CHML: variants seen among roughly 807,000 people sequenced by gnomAD.
The protein encoded by CHML is CHM like Rab escort protein, also known as rab proteins geranylgeranyltransferase component A 2.
A neutral mutation model predicts 30.4 loss-of-function variants in CHML; 20 were observed. The ratio of observed to expected loss-of-function variants is 0.66; its 90% CI spans 0.46 to 0.95. The LOEUF is 0.95. CHML is among the 40% of genes least tolerant of loss of function. The pLI is 0.00. For missense variants in CHML, 795 were observed against 768.5 expected, an observed-to-expected ratio of 1.03 and a Z score of -0.41; for synonymous variants, 281 against 275.0, an observed-to-expected ratio of 1.02 and a Z score of -0.22.
intron 1 of CHML, among the ~76,000 whole-genome samples, chr1:241,637,402 G>A (rs1234544807): frequency 1.3e-5 from 2 of 152,156 alleles, no homozygotes; most frequent in Non-Finnish European, 2.9e-5. Context: ...CATTCCCTAA[G>A]AAGCCAGGAA....
Position 241,634,273 on chromosome 1 carries a change from G to C in CHML, c.1494C>G (p.Thr498=). 2 of 1,613,914 alleles carry C rather than the reference G, an allele frequency of 1.2e-6. No individual in the cohort carries two copies. The highest frequency in any genetic ancestry group is 1.7e-6 in the Non-Finnish European group (2 of 1,179,912). ...AVRVTELCSS[T]MTCMKDTYLV... ...GATAGGTGTCCTTCATGCATGTCATGGTTGAAGAACATAATTCTGTGACCC... is the reference window on the plus strand; with the variant it reads ...GATAGGTGTCCTTCATGCATGTCATCGTTGAAGAACATAATTCTGTGACCC... The change falls in exon 2 of 2, where the codon ACC becomes ACG. Residue 498 remains threonine, a synonymous_variant. Coordinates refer to ENST00000366553, the MANE Select transcript of CHML (RefSeq NM_001381853.1).
Position 241,634,379 on chromosome 1 carries a change from T to G in CHML, c.1388A>C (p.Gln463Pro), listed in dbSNP as rs778521313. ...ATCTAAATCTGTCTTTAGTATAGAC[T>G]GATCTGTAATGAGTACTGCCCTAGA... ...QISRAVLITD[Q>P]SILKTDLDQQ... Residue 463 changes from glutamine (Q) to proline (P), a missense_variant, in exon 2 of 2, where the codon CAG becomes CCG. Transcript: ENST00000366553. The G allele has an allele frequency of 4.3e-6, 7 of 1,613,922 alleles. 1 individual carries two copies. The highest frequency in any genetic ancestry group is 3.3e-5 in the South Asian group (3 of 91,084).
rs777020594 is a variant in CHML, at chr1:241,639,912, C to T, written c.-338G>A. The T allele has an allele frequency of 6.3e-7, 1 of 1,597,262 alleles. No homozygotes were observed. The highest frequency in any genetic ancestry group is 1.7e-5 in the Admixed American group (1 of 58,094). ...AGGCTGCCGCTAAACCCGTCCCACA[C>T]GCAGCCCACGGTGTCCCACACCCAG... On this transcript the variant is annotated 5_prime_UTR_variant, in exon 1 of 2. It adds an upstream start codon to the 5' untranslated region. Coordinates refer to ENST00000366553, the MANE Select transcript of CHML (RefSeq NM_001381853.1).
chr1:241,635,129 A>G lies in CHML; in HGVS notation c.638T>C (p.Ile213Thr). ...TTGAGAGTAAGTAATCCTATTTCTA[A>G]TTGGTTCATCGGCCTTATCTTCTAC... ...STVEDKADEP[I>T]RNRITYSQIV... Residue 213 changes from isoleucine to threonine, a missense_variant, in exon 2 of 2, where the codon ATT (isoleucine) becomes ACT (threonine). Physicochemically the swap from Ile to Thr is moderately conservative, Grantham distance 89 (BLOSUM62 -1). Transcript: ENST00000366553. 1.9e-6 allele frequency: 3 copies of G among 1,612,774 alleles called. No homozygotes were observed. Among genetic ancestry groups the G allele is most frequent in the Non-Finnish European group, 2.5e-6 (3 of 1,179,914 alleles).
At position 241,635,494 on chromosome 1, in the gene CHML, C is replaced by A; in HGVS notation, c.273G>T (p.Lys91Asn). 1 of 1,613,870 alleles carries A rather than the reference C, an allele frequency of 6.2e-7. No individual in the cohort carries two copies. The highest frequency in any genetic ancestry group is 8.5e-7 in the Non-Finnish European group (1 of 1,179,958). ...CTGTGTGTTGAATAGTTTCATCCTT[C>A]TTGCGAAGAGTGATGGCTTCTTCTG... The part of the protein sequence containing the change: ...HETEEAITLR[K>N]KDETIQHTEA... The change falls in exon 2 of 2, where the codon AAG becomes AAT. Residue 91 changes from lysine to asparagine, a missense_variant. Transcript: ENST00000366553.
In CHML at chr1:241,629,412, T is replaced by A. The variant is rs1664528662; in HGVS notation, c.*4384A>T. On this transcript the variant is annotated 3_prime_UTR_variant, in exon 2 of 2. Coordinates refer to ENST00000366553, the MANE Select transcript of CHML (RefSeq NM_001381853.1). ...ATGAACTAAGTCAAAGTTGCATTTT[T>A]AATATTAGGAAATTTGAATACCATT... 6.6e-6 allele frequency: 1 copy of A among 152,138 alleles called. No individual in the cohort carries two copies. Among genetic ancestry groups the A allele is most frequent in the South Asian group, 2.1e-4 (1 of 4,836 alleles). 9.4% of individuals were successfully genotyped at this position (152,138 alleles called of 1,614,324 possible).
At position 241,631,162 on chromosome 1, in the gene CHML, GC is replaced by G. The variant is rs1664620683; in HGVS notation, c.*2633del. 6.6e-6 allele frequency: 1 copy of G among 151,988 alleles called. No homozygotes were observed. The highest frequency in any genetic ancestry group is 2.4e-5 in the African/African-American group (1 of 41,424). 9.4% of individuals were successfully genotyped at this position (151,988 alleles called of 1,614,324 possible). ...TACAATATCCCCTAAATTTTTAAAT[GC>G]TTTTTATTGGTATAACTTCTCATTT... On this transcript the variant is annotated 3_prime_UTR_variant, in exon 2 of 2. Transcript: ENST00000366553.
Position 241,633,800 on chromosome 1 carries a change from T to G in CHML, c.1967A>C (p.Asn656Thr), listed in dbSNP as rs1664745220. Residue 656 changes from asparagine (N) to threonine (T), a missense_variant, in exon 2 of 2, where the codon AAT becomes ACT. Physicochemically the swap from Asn to Thr is moderately conservative, Grantham distance 65. Coordinates refer to ENST00000366553, the MANE Select transcript of CHML (RefSeq NM_001381853.1). ...GCATTTCGAGATTGCTCTTTTCTAATTTTGAAGGTGCTTCTCTGGGCTTTC... is the reference window on the plus strand; with the variant it reads ...GCATTTCGAGATTGCTCTTTTCTAAGTTTGAAGGTGCTTCTCTGGGCTTTC... ...NLESPEKHLQ[N>T] The G allele has an allele frequency of 1.2e-6, 2 of 1,613,268 alleles. No individual in the cohort carries two copies. Among genetic ancestry groups the G allele is most frequent in the Non-Finnish European group, 1.7e-6 (2 of 1,179,606 alleles).
In CHML at chr1:241,639,966, A is replaced by G; in HGVS notation, c.-392T>C. 1.4e-5 allele frequency: 23 copies of G among 1,612,140 alleles called. No homozygotes were observed. The highest frequency in any genetic ancestry group is 1.9e-5 in the Non-Finnish European group (22 of 1,179,238). On this transcript the variant is annotated 5_prime_UTR_variant, in exon 1 of 2. Transcript: ENST00000366553. ...TTCCTCAGGCAGGACACGAAGGTAA[A>G]GGTGACCCCGAAGAGGGACACCAGC...
intron 1 of CHML, among the ~76,000 whole-genome samples, chr1:241,638,739 T>C (rs1408531257): frequency 6.6e-6 from 1 of 152,200 alleles, no homozygotes; most frequent in Non-Finnish European, 1.5e-5. Context: ...TCAAATAAAA[T>C]CTATTTTCTT....
chr1:241,637,942 C>T (rs534342024), intron 1 of CHML, among the ~76,000 whole-genome samples: 2 of 152,310 alleles, frequency 1.3e-5, no homozygotes, highest in East Asian at 3.9e-4. Context: ...TTAGGTAGTT[C>T]TTGCTCAGGG....
At chr1:241,638,547 C>T (rs1664990978) in intron 1 of CHML, among the ~76,000 whole-genome samples, 1 of 152,100 alleles carries the variant, frequency 6.6e-6, no homozygotes, top group Admixed American at 6.5e-5. Context: ...TTAGCATTGC[C>T]GAAGAAACTG....
chr1:241,634,040 A>G lies in CHML; in HGVS notation c.1727T>C (p.Val576Ala). The part of the protein sequence containing the change: ...SYNGLPSNVY[V>A]CSGPDCGLGN... ...CAGGCCACAGTCAGGCCCAGAGCAG[A>G]CATAAACATTGGAAGGCAAGCCATT... The change falls in exon 2 of 2, where the codon GTC becomes GCC. Residue 576 changes from valine to alanine, a missense_variant. Coordinates refer to ENST00000366553, the MANE Select transcript of CHML (RefSeq NM_001381853.1). 6.2e-7 allele frequency: 1 copy of G among 1,613,042 alleles called. No individual in the cohort carries two copies. Among genetic ancestry groups the G allele is most frequent in the East Asian group, 2.2e-5 (1 of 44,882 alleles).
Position 241,633,484 on chromosome 1 carries a change from C to T in CHML, c.*312G>A, listed in dbSNP as rs1489191757. On this transcript the variant is annotated 3_prime_UTR_variant, in exon 2 of 2. Coordinates refer to ENST00000366553, the MANE Select transcript of CHML (RefSeq NM_001381853.1). Reference sequence around the variant, plus strand: ...AAAATCTGAAGATCATTAGCAAATACATTACCTTTAAGCTGAGTTGCTAAT... The same window carrying T: ...AAAATCTGAAGATCATTAGCAAATATATTACCTTTAAGCTGAGTTGCTAAT... The T allele has an allele frequency of 2.0e-5, 5 of 254,180 alleles. No individual in the cohort carries two copies. The East Asian group carries it at 4.1e-4, about 21-fold the overall frequency. The allele number at this position is 254,180 out of a possible 1,614,324, so 15.7% of individuals were successfully genotyped here.
At position 241,636,744 on chromosome 1, in the gene CHML, TGTGTAA is replaced by T. The variant is rs768056515; in HGVS notation, c.-307-677_-307-672del. ...GCATATAAGTAATAAAGGAAAAAAG[TGTGTAA>T]GTGTAAGTAAAAAAGGAAAACTTCT... On this transcript the variant is annotated intron_variant, in intron 1 of 1. Coordinates refer to ENST00000366553, the MANE Select transcript of CHML (RefSeq NM_001381853.1). Among the ~76,000 whole-genome samples, 338 of 152,234 alleles carry T rather than the reference TGTGTAA, an allele frequency of 2.2e-3. 1 individual carries two copies. The highest frequency in any genetic ancestry group is 3.5e-3 in the Non-Finnish European group (236 of 68,006).
At chr1:241,639,400 A>C (rs552828836) in intron 1 of CHML, among the ~76,000 whole-genome samples, 6 of 152,092 alleles carry the variant, frequency 3.9e-5, no homozygotes, top group African/African-American at 1.4e-4. Flanking sequence ...TTGGTTTTCT[A>C]CTCTCATTTT....
chr1:241,636,966 A>AAT (rs1553357077), intron 1 of CHML, among the ~76,000 whole-genome samples: 1 of 151,748 alleles, frequency 6.6e-6, no homozygotes, highest in South Asian at 2.1e-4. Flanking sequence ...AAAAAAAAAA[A>AAT]AATAATAAGG....
rs1385978707 is a variant in CHML at position 241,635,517 on chromosome 1, C to T, written c.250G>A (p.Glu84Lys). ...VVWQDLIHET[E>K]EAITLRKKDE... ...TTCTTGCGAAGAGTGATGGCTTCTT[C>T]TGTTTCATGGATCAGGTCCTGCCAT... Residue 84 changes from glutamate to lysine, a missense_variant, in exon 2 of 2, where the codon GAA becomes AAA. Physicochemically the swap from Glu to Lys is moderately conservative, Grantham distance 56 (BLOSUM62 1). Coordinates refer to ENST00000366553, the MANE Select transcript of CHML (RefSeq NM_001381853.1). 3 of 1,613,850 alleles carry T rather than the reference C, an allele frequency of 1.9e-6. No individual in the cohort carries two copies. Among genetic ancestry groups the T allele is most frequent in the East Asian group, 2.2e-5 (1 of 44,892 alleles).
rs531463861 is a variant in CHML at position 241,635,197 on chromosome 1, T to C, written c.570A>G (p.Thr190=). Residue 190 remains threonine (T), a synonymous_variant, in exon 2 of 2, where the codon ACA becomes ACG. Coordinates refer to ENST00000366553, the MANE Select transcript of CHML (RefSeq NM_001381853.1). Reference sequence around the variant, plus strand: ...CTTTATCTCCATCTTTATCTGAAACTGTGTGCATACAAGTTTTATCTCCAC... The same window carrying C: ...CTTTATCTCCATCTTTATCTGAAACCGTGTGCATACAAGTTTTATCTCCAC... ...KYCGDKTCMH[T]VSDKDGDKDE... is the part of the protein sequence containing the mutation. The C allele has an allele frequency of 1.2e-6, 2 of 1,613,278 alleles. No homozygotes were observed. Among genetic ancestry groups the C allele is most frequent in the Admixed American group, 3.3e-5 (2 of 60,034 alleles).
Sources: allele counts gnomAD v4.1 joint callset (sites outside exome capture counted in the v4.1 genomes callset), GRCh38; gene constraint gnomAD v4.1.1; transcripts MANE v1.5; gene names NCBI Gene and HGNC (gene_info 2026-07-23, HGNC 2026-07-21).